The following C12orf42 variants were observed in gnomAD, a reference collection of about 807,000 sequenced individuals.
C12orf42 encodes chromosome 12 open reading frame 42, also known as uncharacterized protein C12orf42.
C12orf42 carries 25 observed loss-of-function variants against 21.6 expected under a neutral mutation model. The ratio of observed to expected loss-of-function variants is 1.16; its 90% CI spans 0.84 to 1.62. The LOEUF (loss-of-function observed/expected upper bound fraction) is 1.62, where lower values mean the gene tolerates loss of function less well. Among genes scored for constraint, C12orf42 ranks in the 40% most tolerant of loss-of-function variants. The pLI, the probability that C12orf42 is intolerant of heterozygous loss-of-function variation, is 0.00. For missense variants in C12orf42, 483 were observed against 459.3 expected (o/e 1.05, Z -0.47); for synonymous variants, 174 against 175.0 (o/e 0.99, Z 0.05).
the C12orf42 span, among the ~76,000 whole-genome samples, chr12:103,206,469 G>A: frequency 6.6e-6 from 1 of 151,830 alleles, no homozygotes; most frequent in Non-Finnish European, 1.5e-5. Context: ...AGTGGTAGTT[G>A]CATAAGTGTT....
chr12:103,350,423 T>A (rs191163124), intron 4 of C12orf42, among the ~76,000 whole-genome samples: 1 of 152,302 alleles, frequency 6.6e-6, no homozygotes, highest in African/African-American at 2.4e-5. Flanking sequence ...GTGCTTGTGT[T>A]CAAGTAATCC....
intron 2 of C12orf42, among the ~76,000 whole-genome samples, chr12:103,422,049 T>C (rs112295539): frequency 0.011 from 1,614 of 152,330 alleles, 13 homozygotes; most frequent in Non-Finnish European, 0.017. Flanking sequence ...TATTGAATTA[T>C]TAAATCGCTC....
chr12:103,265,825 T>G (rs1397527173), downstream of C12orf42, among the ~76,000 whole-genome samples: 2 of 152,084 alleles, frequency 1.3e-5, no homozygotes, highest in Non-Finnish European at 2.9e-5. Flanking sequence ...TGTTTTGTTT[T>G]GTTTTGTTTT....
At chr12:103,524,861 C>T in the C12orf42 span, among the ~76,000 whole-genome samples, 2 of 149,034 alleles carry the variant, frequency 1.3e-5, no homozygotes, top group Non-Finnish European at 2.9e-5. Context: ...ACAGGACCTG[C>T]AGCTGGTTTT....
At chr12:103,434,397 G>T (rs558381238) in intron 2 of C12orf42, among the ~76,000 whole-genome samples, 1 of 152,170 alleles carries the variant, frequency 6.6e-6, no homozygotes, top group Non-Finnish European at 1.5e-5. Flanking sequence ...AAGGGGAGGA[G>T]CCAAGATGGC....
At chr12:103,183,484 T>C in the C12orf42 span, among the ~76,000 whole-genome samples, 6 of 152,230 alleles carry the variant, frequency 3.9e-5, no homozygotes, top group Non-Finnish European at 8.8e-5. Context: ...TCTTGCCAGA[T>C]ATTTATCAAT....
chr12:103,174,160 A>G, the C12orf42 span, among the ~76,000 whole-genome samples: 1 of 152,222 alleles, frequency 6.6e-6, no homozygotes, highest in Non-Finnish European at 1.5e-5. Context: ...TTTCATTACT[A>G]TAACAATCCT....
At chr12:103,428,482 A>G (rs1041922129) in intron 2 of C12orf42, among the ~76,000 whole-genome samples, 5 of 152,200 alleles carry the variant, frequency 3.3e-5, no homozygotes, top group African/African-American at 9.6e-5. Flanking sequence ...TTAATAGCCT[A>G]ACAACAAAAA....
the C12orf42 span, among the ~76,000 whole-genome samples, chr12:103,516,570 C>T: frequency 6.6e-6 from 1 of 152,298 alleles, no homozygotes; most frequent in African/African-American, 2.4e-5. Context: ...TACATGGTGG[C>T]AGAAGAGAGA....
At chr12:103,324,749 C>G (rs1469384290) in intron 4 of C12orf42, among the ~76,000 whole-genome samples, 1 of 152,152 alleles carries the variant, frequency 6.6e-6, no homozygotes, top group Admixed American at 6.5e-5. Context: ...TACAGCCACT[C>G]TAGGACCAGG....
chr12:103,297,268 T>C (rs1319327630), downstream of C12orf42, among the ~76,000 whole-genome samples: 1 of 152,178 alleles, frequency 6.6e-6, no homozygotes, highest in Non-Finnish European at 1.5e-5. Context: ...TGTAGCCTTG[T>C]AGTGTAGTTT....
the C12orf42 span, among the ~76,000 whole-genome samples, chr12:103,545,560 A>T: frequency 6.6e-6 from 1 of 152,222 alleles, no homozygotes; most frequent in Non-Finnish European, 1.5e-5. Flanking sequence ...TAAAATGTGC[A>T]ATAAAATATT....
At chr12:103,086,388 G>T in the C12orf42 span, among the ~76,000 whole-genome samples, 2 of 151,382 alleles carry the variant, frequency 1.3e-5, no homozygotes, top group Admixed American at 1.3e-4. Flanking sequence ...AAAAAAGAGA[G>T]AACTATTTCT....
chr12:103,078,612 T>C, the C12orf42 span, among the ~76,000 whole-genome samples: 1 of 152,222 alleles, frequency 6.6e-6, no homozygotes, highest in Non-Finnish European at 1.5e-5. Context: ...AGTGGATCTA[T>C]GGTAATCCAT....
At chr12:103,102,342 C>A in the C12orf42 span, among the ~76,000 whole-genome samples, 1 of 152,178 alleles carries the variant, frequency 6.6e-6, no homozygotes. Context: ...TGACTAAGTT[C>A]ATGTCTACCT....
chr12:103,436,246 A>T (rs956054725), intron 2 of C12orf42, among the ~76,000 whole-genome samples: 11 of 151,162 alleles, frequency 7.3e-5, no homozygotes, highest in African/African-American at 2.4e-4. Context: ...GAGCTCCTGA[A>T]GGAAGCGCTA....
chr12:103,312,841 C>T (rs2039097847), intron 4 of C12orf42, among the ~76,000 whole-genome samples: 1 of 152,142 alleles, frequency 6.6e-6, no homozygotes, highest in Non-Finnish European at 1.5e-5. Context: ...CTTCTCATTC[C>T]TTTTGAGCTG....
At chr12:103,158,165 T>C in the C12orf42 span, among the ~76,000 whole-genome samples, 1 of 152,238 alleles carries the variant, frequency 6.6e-6, no homozygotes, top group Non-Finnish European at 1.5e-5. Flanking sequence ...TTATCTCTGA[T>C]ATTCCCAATG....
At chr12:103,186,527 G>A in the C12orf42 span, among the ~76,000 whole-genome samples, 1 of 152,034 alleles carries the variant, frequency 6.6e-6, no homozygotes, top group Non-Finnish European at 1.5e-5. Context: ...AATCAAAATG[G>A]CATAAATCAT....
Sources: gnomAD v4.1 joint callset for allele counts (sites outside exome capture counted in the v4.1 genomes callset) on GRCh38, gnomAD v4.1.1 for gene constraint, MANE v1.5 for transcripts, NCBI Gene and HGNC (gene_info 2026-07-23, HGNC 2026-07-21) for gene names.